Variants in THRB observed in about 807,000 individuals in gnomAD.
THRB encodes the protein thyroid hormone receptor beta.
In THRB, 12 loss-of-function variants were observed where a neutral mutation model predicts 47.8. The observed-to-expected ratio is 0.25, with a 90% CI of 0.16 to 0.41. The LOEUF is 0.41. Ranked by LOEUF, THRB falls within the 10% of genes least tolerant of loss-of-function variation. The pLI, the probability that THRB is intolerant of heterozygous loss-of-function variation, is 1.00. For missense variants in THRB, 348 were observed against 589.2 expected, an observed-to-expected ratio of 0.59 and a Z score of 4.24; for synonymous variants, 218 against 212.2, an observed-to-expected ratio of 1.03 and a Z score of -0.24.
rs528356455 is a variant in THRB, at chr3:24,117,234, C to A, written c.*5650G>T. On this transcript the variant is annotated 3_prime_UTR_variant, in exon 11 of 11. Transcript: ENST00000646209. ...GAGCTTCCTCTGTGTGAAGGAGAAC[C>A]GCTTGCTGTACTGAAATGGGATGTT... 1 of 152,130 alleles carries A rather than the reference C, an allele frequency of 6.6e-6. No individual in the cohort carries two copies. The highest frequency in any genetic ancestry group is 2.4e-5 in the African/African-American group (1 of 41,420). 9.4% of individuals were successfully genotyped at this position (152,130 alleles called of 1,614,324 possible).
At chr3:24,364,291 T>C (rs562288477) in intron 1 of THRB, among the ~76,000 whole-genome samples, 17 of 152,222 alleles carry the variant, frequency 1.1e-4, no homozygotes, top group African/African-American at 3.6e-4. Flanking sequence ...CCTCAGTCAT[T>C]TGATATATTA....
intron 5 of THRB, among the ~76,000 whole-genome samples, chr3:24,157,145 G>A (rs1039713421): frequency 2.0e-5 from 3 of 152,102 alleles, no homozygotes; most frequent in Non-Finnish European, 2.9e-5. Flanking sequence ...TATTAGCAGA[G>A]CTGCCCCAGG....
chr3:24,407,900 A>T (rs2067961926), intron 1 of THRB, among the ~76,000 whole-genome samples: 1 of 151,888 alleles, frequency 6.6e-6, no homozygotes, highest in Non-Finnish European at 1.5e-5. Flanking sequence ...TTGAGCACTC[A>T]TGAGGGAATT....
At chr3:24,234,554 T>A (rs1029990549) in intron 3 of THRB, among the ~76,000 whole-genome samples, 3 of 152,150 alleles carry the variant, frequency 2.0e-5, no homozygotes, top group Non-Finnish European at 4.4e-5. Context: ...GGCTGCCCCA[T>A]TAATCCCATC....
intron 1 of THRB, among the ~76,000 whole-genome samples, chr3:24,462,977 C>G (rs1483536466): frequency 6.6e-6 from 1 of 152,216 alleles, no homozygotes; most frequent in Non-Finnish European, 1.5e-5. Context: ...CCTCCTGTCA[C>G]TGCTATAGGG....
intron 2 of THRB, among the ~76,000 whole-genome samples, chr3:24,333,922 C>T (rs572931110): frequency 6.6e-6 from 1 of 152,214 alleles, no homozygotes; most frequent in East Asian, 1.9e-4. Flanking sequence ...CGTTTCCTAA[C>T]GCCGTCATCA....
intron 3 of THRB, among the ~76,000 whole-genome samples, chr3:24,233,747 A>G (rs768137763): frequency 2.6e-5 from 4 of 152,216 alleles, no homozygotes; most frequent in Non-Finnish European, 5.9e-5. Flanking sequence ...TAGAAAAGGG[A>G]AGAGTCACAT....
chr3:24,474,815 G>T (rs1695207350), intron 1 of THRB, among the ~76,000 whole-genome samples: 1 of 152,142 alleles, frequency 6.6e-6, no homozygotes, highest in African/African-American at 2.4e-5. Flanking sequence ...TTACAGATGG[G>T]CAGAGCTGAT....
intron 1 of THRB, among the ~76,000 whole-genome samples, chr3:24,473,866 C>A (rs1271747277): frequency 1.3e-5 from 2 of 152,158 alleles, no homozygotes; most frequent in Non-Finnish European, 2.9e-5. Flanking sequence ...CATGTTCTCA[C>A]TCATAAGTTG....
intron 1 of THRB, among the ~76,000 whole-genome samples, chr3:24,371,887 A>G (rs758301142): frequency 2.0e-5 from 3 of 152,192 alleles, no homozygotes; most frequent in Non-Finnish European, 4.4e-5. Flanking sequence ...CTTCAAAAGT[A>G]TATACAATTT....
intron 5 of THRB, among the ~76,000 whole-genome samples, chr3:24,184,545 A>G (rs75287116): frequency 4.1e-4 from 62 of 151,806 alleles, no homozygotes; most frequent in African/African-American, 1.4e-3. Context: ...CTTCCCTCCA[A>G]TCTCGTGAGT....
intron 3 of THRB, among the ~76,000 whole-genome samples, chr3:24,230,252 T>G (rs1282132577): frequency 6.6e-6 from 1 of 152,224 alleles, no homozygotes; most frequent in Non-Finnish European, 1.5e-5. Context: ...GGAAATTACA[T>G]GTTTACACGG....
chr3:24,125,982 A>C (rs1033237714), intron 10 of THRB, among the ~76,000 whole-genome samples: 11 of 152,124 alleles, frequency 7.2e-5, no homozygotes, highest in African/African-American at 2.7e-4. Flanking sequence ...TCATTATGCT[A>C]TTCTATCTGC....
intron 2 of THRB, among the ~76,000 whole-genome samples, chr3:24,328,543 G>A (rs557583893): frequency 3.3e-5 from 5 of 152,226 alleles, no homozygotes; most frequent in African/African-American, 1.2e-4. Flanking sequence ...TACACCCACT[G>A]CTTAAGACAC....
At chr3:24,181,977 G>A (rs937315286) in intron 5 of THRB, among the ~76,000 whole-genome samples, 45 of 152,260 alleles carry the variant, frequency 3.0e-4, no homozygotes, top group African/African-American at 8.4e-4. Context: ...CAAGGTGGGC[G>A]GATCACGAGT....
chr3:24,396,848 A>G (rs930745735), intron 1 of THRB, among the ~76,000 whole-genome samples: 1 of 152,152 alleles, frequency 6.6e-6, no homozygotes, highest in South Asian at 2.1e-4. Context: ...GGAAAATGCA[A>G]TGCATTGGAT....
intron 1 of THRB, among the ~76,000 whole-genome samples, chr3:24,490,317 G>A (rs1316780974): frequency 6.6e-6 from 1 of 152,184 alleles, no homozygotes; most frequent in African/African-American, 2.4e-5. Context: ...AGCCCTTCAA[G>A]CAAAACAGAC....
intron 3 of THRB, among the ~76,000 whole-genome samples, chr3:24,272,945 A>G (rs1276371665): frequency 6.6e-6 from 1 of 152,206 alleles, no homozygotes. Context: ...GTTTTTTAAA[A>G]AACAAATATC....
At chr3:24,340,858 T>C (rs925437598) in intron 1 of THRB, among the ~76,000 whole-genome samples, 7 of 152,216 alleles carry the variant, frequency 4.6e-5, no homozygotes, top group African/African-American at 1.7e-4. Flanking sequence ...GGAATCCTAG[T>C]TAGAATTCAC....
Sources: gnomAD v4.1 joint callset for allele counts (sites outside exome capture counted in the v4.1 genomes callset) on GRCh38, gnomAD v4.1.1 for gene constraint, MANE v1.5 for transcripts, NCBI Gene and HGNC (gene_info 2026-07-23, HGNC 2026-07-21) for gene names.